Variants in CNTN5 observed in about 807,000 individuals in gnomAD.
CNTN5 encodes the protein contactin 5, also known as contactin-5.
CNTN5 carries 77 observed loss-of-function variants against 129.1 expected under a neutral mutation model. The observed-to-expected ratio is 0.60, with a 90% CI of 0.50 to 0.72. The LOEUF (loss-of-function observed/expected upper bound fraction) is 0.72. Among genes scored for constraint, CNTN5 ranks in the 30% least tolerant of loss-of-function variants. The probability of loss-of-function intolerance (pLI) is 0.00; values close to 1 mark genes in which losing one functional copy is unlikely to be tolerated. For synonymous variants in CNTN5, 509 were observed against 465.6 expected, an observed-to-expected ratio of 1.09 and a Z score of -1.20; for missense variants, 1,478 against 1,328.8, an observed-to-expected ratio of 1.11 and a Z score of -1.75.
intron 3 of CNTN5, among the ~76,000 whole-genome samples, chr11:99,711,591 C>T (rs183017133): frequency 6.6e-6 from 1 of 151,814 alleles, no homozygotes; most frequent in Non-Finnish European, 1.5e-5. Flanking sequence ...ATCAGCCCAT[C>T]ATTCACGTTA....
At chr11:100,303,512 A>C (rs1951276326) in intron 20 of CNTN5, among the ~76,000 whole-genome samples, 1 of 151,588 alleles carries the variant, frequency 6.6e-6, no homozygotes, top group South Asian at 2.1e-4. Context: ...AGAAAAACAG[A>C]AGAAAAATTG....
Position 99,611,522 on chromosome 11 carries a change from A to G in CNTN5, c.55+55253A>G, listed in dbSNP as rs575178127. 2.0e-5 allele frequency among the ~76,000 whole-genome samples: 3 copies of G among 152,324 alleles called. No individual in the cohort carries two copies. In the East Asian group the frequency reaches 5.8e-4, roughly 29 times the overall value. On this transcript the variant is annotated intron_variant, in intron 3 of 24. Coordinates refer to ENST00000524871, the MANE Select transcript of CNTN5 (RefSeq NM_014361.4). ...GTCAGTTCAAATTCTCTAAGTGTGC[A>G]TTAATAGAGTCTGTGGTTGAGTAAA...
chr11:100,312,412 C>T (rs1951488542), intron 21 of CNTN5, among the ~76,000 whole-genome samples: 2 of 152,008 alleles, frequency 1.3e-5, no homozygotes, highest in Non-Finnish European at 2.9e-5. Flanking sequence ...CTTCACCAAA[C>T]ACATCTGGAA....
rs1232797756 is a variant in CNTN5 at position 99,249,059 on chromosome 11, T to C, written c.-209-76287T>C. Among the ~76,000 whole-genome samples the C allele has an allele frequency of 1.4e-4, 21 of 152,166 alleles. 1 individual carries two copies. The highest frequency in any genetic ancestry group is 4.4e-5 in the Non-Finnish European group (3 of 68,022). The stretch of plus-strand genomic sequence containing the variant: ...TGAGTCTATAAATTACCTTGGGCAG[T>C]ATGGCCATTTTCATGATATTGATTC... On this transcript the variant is annotated intron_variant, in intron 1 of 24. Coordinates refer to ENST00000524871, the MANE Select transcript of CNTN5 (RefSeq NM_014361.4).
At chr11:99,782,476 A>G (rs968905735) in intron 3 of CNTN5, among the ~76,000 whole-genome samples, 10 of 151,196 alleles carry the variant, frequency 6.6e-5, no homozygotes, top group Non-Finnish European at 1.3e-4. Flanking sequence ...GGAAAAAACT[A>G]CTTTCAAGTT....
chr11:100,064,164 A>C (rs1326863978), intron 10 of CNTN5, among the ~76,000 whole-genome samples: 1 of 152,160 alleles, frequency 6.6e-6, no homozygotes, highest in Non-Finnish European at 1.5e-5. Context: ...AGTACAGACT[A>C]CCCATTTTAT....
chr11:99,801,425 C>A (rs1219845000), intron 3 of CNTN5, among the ~76,000 whole-genome samples: 1 of 152,056 alleles, frequency 6.6e-6, no homozygotes, highest in African/African-American at 2.4e-5. Context: ...TGTTCATTTT[C>A]TGTAGTATCT....
At chr11:99,027,797 A>G (rs1396443126) in intron 1 of CNTN5, among the ~76,000 whole-genome samples, 1 of 151,704 alleles carries the variant, frequency 6.6e-6, no homozygotes, top group African/African-American at 2.4e-5. Flanking sequence ...ACAAATTATG[A>G]CAAGCAATTT....
intron 2 of CNTN5, among the ~76,000 whole-genome samples, chr11:99,430,769 A>G (rs1030914841): frequency 1.1e-4 from 16 of 152,160 alleles, no homozygotes; most frequent in African/African-American, 3.6e-4. Flanking sequence ...GGAAGAAAGA[A>G]AAATAAAAGA....
At chr11:100,230,570 A>G (rs921374505) in intron 16 of CNTN5, among the ~76,000 whole-genome samples, 1 of 152,210 alleles carries the variant, frequency 6.6e-6, no homozygotes, top group Non-Finnish European at 1.5e-5. Flanking sequence ...ACTGGCCAAA[A>G]TGATTAAAGC....
chr11:100,144,625 T>C (rs564741966), intron 13 of CNTN5, among the ~76,000 whole-genome samples: 2 of 152,308 alleles, frequency 1.3e-5, no homozygotes, highest in South Asian at 4.1e-4. Flanking sequence ...GAAACTCCTT[T>C]ACTGGAGTAC....
At position 99,969,417 on chromosome 11, in the gene CNTN5, G is replaced by A. The variant is rs906288991; in HGVS notation, c.877+12408G>A. On this transcript the variant is annotated intron_variant, in intron 8 of 24. Transcript: ENST00000524871. ...TGAACTTTGAGTTGACTTTTGCAGT[G>A]GTGGCAAAGATATATTCACTTACGT... Among the ~76,000 whole-genome samples the A allele has an allele frequency of 2.0e-5, 3 of 152,052 alleles. No homozygotes were observed. In the South Asian group the frequency reaches 6.2e-4, roughly 32 times the overall value.
At chr11:99,767,813 C>T (rs542701276) in intron 3 of CNTN5, among the ~76,000 whole-genome samples, 15 of 152,090 alleles carry the variant, frequency 9.9e-5, no homozygotes, top group African/African-American at 3.6e-4. Context: ...ACTGTTATTT[C>T]CACTTCTATA....
chr11:100,046,349 A>G (rs894692102), intron 9 of CNTN5, among the ~76,000 whole-genome samples: 4 of 152,176 alleles, frequency 2.6e-5, no homozygotes, highest in Non-Finnish European at 5.9e-5. Flanking sequence ...ATATTCTCCA[A>G]TCCCATCTGC....
intron 1 of CNTN5, among the ~76,000 whole-genome samples, chr11:99,245,934 C>G (rs1383687668): frequency 1.3e-5 from 2 of 152,096 alleles, no homozygotes; most frequent in Admixed American, 1.3e-4. Flanking sequence ...TCCTGGAAGA[C>G]AAAATCATCA....
intron 10 of CNTN5, among the ~76,000 whole-genome samples, chr11:100,062,533 G>A (rs1022920881): frequency 2.0e-5 from 3 of 152,184 alleles, no homozygotes; most frequent in Non-Finnish European, 1.5e-5. Context: ...AGTAACTCAT[G>A]ATCCACTGGA....
At chr11:100,267,985 T>C (rs1950338701) in intron 17 of CNTN5, among the ~76,000 whole-genome samples, 1 of 152,158 alleles carries the variant, frequency 6.6e-6, no homozygotes, top group African/African-American at 2.4e-5. Flanking sequence ...TTGAAACTAT[T>C]TGGGTGGTAA....
At chr11:99,451,803 C>T (rs1324783184) in intron 2 of CNTN5, among the ~76,000 whole-genome samples, 1 of 152,064 alleles carries the variant, frequency 6.6e-6, no homozygotes, top group Non-Finnish European at 1.5e-5. Flanking sequence ...GACACATAAT[C>T]TTCTTATGTT....
At chr11:99,474,686 A>G (rs932411069) in intron 2 of CNTN5, among the ~76,000 whole-genome samples, 4 of 152,098 alleles carry the variant, frequency 2.6e-5, no homozygotes, top group African/African-American at 9.7e-5. Flanking sequence ...TTTCAGGGAC[A>G]TATTTTTTAT....
Sources: allele counts gnomAD v4.1 joint callset (sites outside exome capture counted in the v4.1 genomes callset), GRCh38; gene constraint gnomAD v4.1.1; transcripts MANE v1.5; gene names NCBI Gene and HGNC (gene_info 2026-07-23, HGNC 2026-07-21).